Variants in IGDCC3 observed in about 807,000 individuals in gnomAD.
IGDCC3 encodes immunoglobulin superfamily DCC subclass member 3, also known as putative neuronal cell adhesion molecule.
Under a neutral mutation model 72.0 loss-of-function variants are expected in IGDCC3, and 47 were observed. The observed-to-expected ratio is 0.65, with a 90% CI of 0.52 to 0.83. The LOEUF is 0.83. Among genes scored for constraint, IGDCC3 ranks in the 40% least tolerant of loss-of-function variants. The pLI is 0.00. For missense variants in IGDCC3, 1,038 were observed against 1,091.3 expected, an observed-to-expected ratio of 0.95 and a Z score of 0.69; for synonymous variants, 477 against 472.8, an observed-to-expected ratio of 1.01 and a Z score of -0.11.
intron 2 of IGDCC3, among the ~76,000 whole-genome samples, chr15:65,337,226 C>A (rs1317121207): frequency 6.6e-6 from 1 of 152,242 alleles, no homozygotes; most frequent in Non-Finnish European, 1.5e-5. Context: ...GCGTGTTCTC[C>A]ATCTCATTTG....
intron 2 of IGDCC3, among the ~76,000 whole-genome samples, chr15:65,373,092 T>C (rs2091336962): frequency 6.6e-6 from 1 of 151,944 alleles, no homozygotes; most frequent in African/African-American, 2.4e-5. Context: ...TTACCATTTA[T>C]AAAAAAAAGC....
intron 6 of IGDCC3, 23 bp from the exon 7 acceptor site, chr15:65,332,129 G>C: frequency 6.2e-7 from 1 of 1,606,050 alleles, no homozygotes; most frequent in Non-Finnish European, 8.5e-7. Flanking sequence ...TCAGGAGGGT[G>C]GGGGCGCAGA....
rs560827751 is a variant in IGDCC3, at chr15:65,338,297, A to G, written c.410-2341T>C. Among the ~76,000 whole-genome samples the G allele has an allele frequency of 4.6e-5, 7 of 152,360 alleles. No homozygotes were observed. The East Asian group carries it at 1.3e-3, about 29-fold the overall frequency. On this transcript the variant is annotated intron_variant, in intron 2 of 13. Transcript: ENST00000327987. ...AGCTTGACTTGGTTACAGTTCTGCT[A>G]AACATTTAATTTGAAGGGTAGCTTT...
chr15:65,330,251 C>G, intron 11 of IGDCC3, 42 bp downstream of exon 11: 1 of 1,430,436 alleles, frequency 7.0e-7, no homozygotes, highest in Non-Finnish European at 9.8e-7. Flanking sequence ...ACTTTCCCGG[C>G]TTCCCACCCA....
At chr15:65,333,811 T>TG (rs59469647) in intron 5 of IGDCC3, among the ~76,000 whole-genome samples, 40 of 152,074 alleles carry the variant, frequency 2.6e-4, no homozygotes, top group South Asian at 6.2e-4. Context: ...GTGACCTGGT[T>TG]GGGGGGGGAA....
At chr15:65,347,100 G>A (rs897748697) in intron 2 of IGDCC3, among the ~76,000 whole-genome samples, 7 of 152,144 alleles carry the variant, frequency 4.6e-5, no homozygotes, top group African/African-American at 7.2e-5. Flanking sequence ...CCTAACTTCC[G>A]TCGTTCTGGT....
Position 65,329,434 on chromosome 15 carries a change from A to G in IGDCC3, c.2161T>C (p.Phe721Leu), listed in dbSNP as rs768491748. ...RVDMKELEQL[F>L]PPASAAGQPD... ...TGCCCTGCTGCGCTGGCCGGGGGGA[A>G]CAGCTGCTCCAGCTCCTTCATATCC... The change falls in exon 13 of 14, where the codon TTC becomes CTC. Residue 721 changes from phenylalanine to leucine, a missense_variant. Transcript: ENST00000327987. This position sits in a 1 kb window ranked among gnomAD's most constrained non-coding sequence, Gnocchi z 4.1. 1.0e-5 allele frequency: 16 copies of G among 1,606,376 alleles called. No homozygotes were observed. In the South Asian group the frequency reaches 1.1e-4, roughly 11 times the overall value.
At chr15:65,334,891 C>T in intron 4 of IGDCC3, 26 bp from the exon 5 acceptor site, 1 of 1,601,554 alleles carries the variant, frequency 6.2e-7, no homozygotes, top group Non-Finnish European at 8.5e-7. Context: ...CACATATCCT[C>T]ACTTCAGCTG....
rs985085982 is a variant in IGDCC3, at chr15:65,328,803, G to A, written c.*106C>T. 17 of 1,351,692 alleles carry A rather than the reference G, an allele frequency of 1.3e-5. No individual in the cohort carries two copies. Among genetic ancestry groups the A allele is most frequent in the South Asian group, 5.6e-5 (3 of 53,476 alleles). 83.7% of individuals were successfully genotyped at this position (1,351,692 alleles called of 1,614,324 possible). ...AAGAGGCAGTCAGGATAGAAATGCT[G>A]GGGAGCCCCCAGGACCATCCAAATC... is the stretch of plus-strand genomic sequence containing the variant. On this transcript the variant is annotated 3_prime_UTR_variant, in exon 14 of 14. Coordinates refer to ENST00000327987, the MANE Select transcript of IGDCC3 (RefSeq NM_004884.4).
At chr15:65,355,675 C>CCCCCCCAA in intron 2 of IGDCC3, 2 of 288,522 alleles carry the variant, frequency 6.9e-6, no homozygotes. Context: ...CCCGCCCCTC[C>CCCCCCCAA]CGCATAGCAA....
At chr15:65,333,477 A>G in intron 5 of IGDCC3, 62 bp from the exon 6 acceptor site, 13 of 1,459,484 alleles carry the variant, frequency 8.9e-6, no homozygotes, top group Non-Finnish European at 1.0e-5. Context: ...GAAGGAAAGT[A>G]AAGGAAACTT....
At chr15:65,362,918 C>T (rs940971359) in intron 2 of IGDCC3, among the ~76,000 whole-genome samples, 1 of 148,314 alleles carries the variant, frequency 6.7e-6, no homozygotes, top group African/African-American at 2.5e-5. Flanking sequence ...GCAGTGGCCC[C>T]ATCTCAGCTC....
In IGDCC3 at chr15:65,339,090, T is replaced by G. The variant is rs949669352; in HGVS notation, c.410-3134A>C. Among the ~76,000 whole-genome samples the G allele has an allele frequency of 7.9e-5, 12 of 151,972 alleles. No individual in the cohort carries two copies. The highest frequency in any genetic ancestry group is 2.9e-4 in the African/African-American group (12 of 41,372). On this transcript the variant is annotated intron_variant, in intron 2 of 13. Coordinates refer to ENST00000327987, the MANE Select transcript of IGDCC3 (RefSeq NM_004884.4). This position sits in a 1 kb window ranked among gnomAD's most constrained non-coding sequence, Gnocchi z 4.1. ...GCTAATTTTTTAATTTCTTTTTTCT[T>G]TTTCTTTTTGAGACGGAATCTTGCT...
At chr15:65,353,822 A>C (rs1320839296) in intron 2 of IGDCC3, among the ~76,000 whole-genome samples, 2 of 152,214 alleles carry the variant, frequency 1.3e-5, no homozygotes, top group East Asian at 3.8e-4. Flanking sequence ...CCCCTTGTTT[A>C]GCATATCATC....
In IGDCC3 at chr15:65,335,898, G is replaced by C. The variant is rs779654851; in HGVS notation, c.468C>G (p.Ala156=). ...GCCCATGGATTTGGCACTGGAAGCG[G>C]GCCACACCACCCTCCTCACCCACGG... The part of the protein sequence containing the change: ...QATVGEEGGV[A]RFQCQIHGLP... The change falls in exon 3 of 14, where the codon GCC becomes GCG. Residue 156 remains alanine, a synonymous_variant. Coordinates refer to ENST00000327987, the MANE Select transcript of IGDCC3 (RefSeq NM_004884.4). 2 of 1,614,146 alleles carry C rather than the reference G, an allele frequency of 1.2e-6. No individual in the cohort carries two copies. Among genetic ancestry groups the C allele is most frequent in the Non-Finnish European group, 1.7e-6 (2 of 1,179,992 alleles).
At chr15:65,365,914 T>A (rs532991748) in intron 2 of IGDCC3, among the ~76,000 whole-genome samples, 2 of 152,030 alleles carry the variant, frequency 1.3e-5, no homozygotes, top group South Asian at 2.1e-4. Context: ...CTACAAAAAA[T>A]TTTAAAAATT....
intron 2 of IGDCC3, among the ~76,000 whole-genome samples, chr15:65,349,207 T>G (rs983433194): frequency 1.3e-5 from 2 of 152,202 alleles, no homozygotes; most frequent in Non-Finnish European, 2.9e-5. Context: ...GAGTAGCTAA[T>G]GTCTATGTTT....
chr15:65,341,591 C>G (rs2091081969), intron 2 of IGDCC3, among the ~76,000 whole-genome samples: 1 of 152,218 alleles, frequency 6.6e-6, no homozygotes, highest in African/African-American at 2.4e-5. Context: ...CTTGAGGACA[C>G]TATGCTACGT....
chr15:65,361,629 T>TGCTGTGTCACTACAC, intron 2 of IGDCC3, among the ~76,000 whole-genome samples: 1 of 151,396 alleles, frequency 6.6e-6, no homozygotes, highest in East Asian at 2.0e-4. Context: ...CACAGCAGCC[T>TGCTGTGTCACTACAC]AGAAGAGTAG....
Sources: gnomAD v4.1 joint callset for allele counts (sites outside exome capture counted in the v4.1 genomes callset) on GRCh38, gnomAD v4.1.1 for gene constraint, Gnocchi (gnomAD v3.1) non-coding constraint, MANE v1.5 for transcripts, NCBI Gene and HGNC (gene_info 2026-07-23, HGNC 2026-07-21) for gene names.